Variants in ANK3 observed in about 807,000 individuals in gnomAD.
ANK3 encodes ankyrin 3.
Under a neutral mutation model 370.9 loss-of-function variants are expected in ANK3, and 57 were observed. The ratio of observed to expected loss-of-function variants is 0.15; its 90% confidence interval spans 0.12 to 0.19. The LOEUF is 0.19. Among genes scored for constraint, ANK3 ranks in the 10% least tolerant of loss-of-function variants. The pLI, the probability that ANK3 is intolerant of heterozygous loss-of-function variation, is 1.00. For missense variants in ANK3, 4,439 were observed against 5,302.1 expected (o/e 0.84, Z 5.06); for synonymous variants, 1,929 against 1,946.3 (o/e 0.99, Z 0.23).
chr10:60,359,127 T>C (rs779941999), intron 1 of ANK3, among the ~76,000 whole-genome samples: 11 of 152,126 alleles, frequency 7.2e-5, no homozygotes, highest in Non-Finnish European at 1.5e-4. Flanking sequence ...CCCTGGTGTG[T>C]AAAACAGTGT....
At chr10:60,077,658 A>G (rs529846254) in intron 36 of ANK3, among the ~76,000 whole-genome samples, 1 of 152,348 alleles carries the variant, frequency 6.6e-6, no homozygotes, top group Non-Finnish European at 1.5e-5. Flanking sequence ...ATATTTTTTC[A>G]TAACCTAATC....
At chr10:60,564,661 T>C (rs554487651) in intron 2 of ANK3, among the ~76,000 whole-genome samples, 3 of 152,264 alleles carry the variant, frequency 2.0e-5, no homozygotes, top group South Asian at 2.1e-4. Context: ...AATGAATGTA[T>C]GTTTGGATAA....
intron 2 of ANK3, among the ~76,000 whole-genome samples, chr10:60,489,465 C>T (rs548958121): frequency 2.0e-5 from 3 of 152,116 alleles, no homozygotes; most frequent in Non-Finnish European, 4.4e-5. Flanking sequence ...ACACAAAAAG[C>T]AGAAAAATAT....
chr10:60,465,264 C>CAA (rs71973539), intron 2 of ANK3, among the ~76,000 whole-genome samples: 23 of 139,294 alleles, frequency 1.7e-4, no homozygotes, highest in Admixed American at 7.1e-4. Context: ...ACCTAGTCAC[C>CAA]AAAAAAAAAA....
intron 16 of ANK3, among the ~76,000 whole-genome samples, chr10:60,189,827 C>A (rs566395779): frequency 6.6e-6 from 1 of 152,208 alleles, no homozygotes; most frequent in East Asian, 1.9e-4. Context: ...AAAGCAAATG[C>A]AATTTGAAAT....
chr10:60,423,583 A>C (rs2063820862), intron 2 of ANK3, among the ~76,000 whole-genome samples: 1 of 152,016 alleles, frequency 6.6e-6, no homozygotes, highest in Non-Finnish European at 1.5e-5. Context: ...AACTGCCTTG[A>C]CTATATCCCT....
chr10:60,684,486 C>T, intron 1 of ANK3: 1 of 1,377,890 alleles, frequency 7.3e-7, no homozygotes, highest in Non-Finnish European at 9.9e-7. Flanking sequence ...CAATTTGGGA[C>T]ATTTATTTGC....
chr10:60,733,420 G>C, exon 1 of ANK3: 1 of 1,089,098 alleles, frequency 9.2e-7, no homozygotes, highest in Non-Finnish European at 1.2e-6. Context: ...GAAAAAGTTC[G>C]GCCGCGGCTC....
chr10:60,638,886 C>G (rs1005311522), intron 1 of ANK3, among the ~76,000 whole-genome samples: 2 of 151,918 alleles, frequency 1.3e-5, no homozygotes, highest in Admixed American at 1.3e-4. Context: ...TATCAGTGAC[C>G]AGTGGGACAA....
intron 2 of ANK3, among the ~76,000 whole-genome samples, chr10:60,447,805 T>G (rs2064489645): frequency 6.6e-6 from 1 of 152,156 alleles, no homozygotes; most frequent in Non-Finnish European, 1.5e-5. Flanking sequence ...TTGGCAGGCC[T>G]AGATACGCAA....
chr10:60,267,908 T>C (rs2097905394), intron 5 of ANK3, among the ~76,000 whole-genome samples: 1 of 152,244 alleles, frequency 6.6e-6, no homozygotes, highest in Non-Finnish European at 1.5e-5. Flanking sequence ...CTATTTCCCC[T>C]GTCCGCTAGG....
Position 60,089,459 on chromosome 10 carries a change from T to TTGTGTG in ANK3, c.3329-1107_3329-1102dup, listed in dbSNP as rs61497871. Among the ~76,000 whole-genome samples the TTGTGTG allele has an allele frequency of 9.6e-3, 1,363 of 141,542 alleles. 8 individuals carry two copies. Among genetic ancestry groups the TTGTGTG allele is most frequent in the Middle Eastern group, 0.025 (7 of 282 alleles). The allele number at this position is 141,542 out of a possible 152,430, so 92.9% of individuals were successfully genotyped here. ...CCTCTCTCACTCCAGTCCATCCAGG[T>TTGTGTG]TGTGTGTGTGTGTGTGTGTGTGTGT... On this transcript the variant is annotated intron_variant, in intron 28 of 43. Coordinates refer to ENST00000280772, the MANE Select transcript of ANK3 (RefSeq NM_020987.5).
chr10:60,146,160 T>C, intron 23 of ANK3: 2 of 1,251,224 alleles, frequency 1.6e-6, no homozygotes, highest in South Asian at 3.3e-5. Context: ...GATACGAAGA[T>C]GTGTTTGTGT....
intron 1 of ANK3, among the ~76,000 whole-genome samples, chr10:60,695,866 T>C (rs2079440533): frequency 6.6e-6 from 1 of 151,332 alleles, no homozygotes; most frequent in East Asian, 1.9e-4. Flanking sequence ...GCAAACACAT[T>C]CAAAAGCTAG....
At chr10:60,147,594 G>A (rs1258116266) in intron 23 of ANK3, among the ~76,000 whole-genome samples, 1 of 152,178 alleles carries the variant, frequency 6.6e-6, no homozygotes, top group Non-Finnish European at 1.5e-5. Context: ...GATCACATGG[G>A]TGGATTCTCA....
chr10:60,416,540 T>C (rs1175077673), intron 2 of ANK3, among the ~76,000 whole-genome samples: 1 of 152,172 alleles, frequency 6.6e-6, no homozygotes, highest in African/African-American at 2.4e-5. Context: ...CTGTGGTGCT[T>C]GGTGAGTTGT....
At chr10:60,511,410 C>T (rs1364382844) in intron 2 of ANK3, among the ~76,000 whole-genome samples, 1 of 152,082 alleles carries the variant, frequency 6.6e-6, no homozygotes, top group Non-Finnish European at 1.5e-5. Context: ...ATTGTGAATT[C>T]TACAAGATTA....
At chr10:60,549,610 T>G (rs2077045579) in intron 2 of ANK3, among the ~76,000 whole-genome samples, 1 of 152,150 alleles carries the variant, frequency 6.6e-6, no homozygotes, top group African/African-American at 2.4e-5. Flanking sequence ...AACATGAATC[T>G]GCCCAGAATT....
At chr10:60,367,116 G>T (rs1221102690) in intron 1 of ANK3, among the ~76,000 whole-genome samples, 2 of 152,134 alleles carry the variant, frequency 1.3e-5, no homozygotes, top group Non-Finnish European at 2.9e-5. Flanking sequence ...CAAACATGAA[G>T]TCTTCAGGGA....
Sources: allele counts gnomAD v4.1 joint callset (sites outside exome capture counted in the v4.1 genomes callset), GRCh38; gene constraint gnomAD v4.1.1; transcripts MANE v1.5; gene names NCBI Gene and HGNC (gene_info 2026-07-23, HGNC 2026-07-21).